Variants in CDON observed in about 807,000 individuals in gnomAD.
The protein encoded by CDON is cell adhesion molecule-related/down-regulated by oncogenes.
In CDON, 73 loss-of-function variants were observed where a neutral mutation model predicts 120.9. That is an observed-to-expected ratio of 0.60 (90% confidence interval 0.50 to 0.73). The LOEUF (loss-of-function observed/expected upper bound fraction) is 0.73. Among genes scored for constraint, CDON ranks in the 30% least tolerant of loss-of-function variants. The pLI, the probability that CDON is intolerant of heterozygous loss-of-function variation, is 0.00. For synonymous variants in CDON, 566 were observed against 573.5 expected, an observed-to-expected ratio of 0.99 and a Z score of 0.19; for missense variants, 1,470 against 1,587.3, an observed-to-expected ratio of 0.93 and a Z score of 1.26.
chr11:126,015,291 T>C lies in CDON; in HGVS notation c.1148A>G (p.Asp383Gly), dbSNP rs1017181153. 1.2e-6 allele frequency: 2 copies of C among 1,614,142 alleles called. No individual in the cohort carries two copies. Among genetic ancestry groups the C allele is most frequent in the Non-Finnish European group, 1.7e-6 (2 of 1,179,980 alleles). The part of the protein sequence containing the change: ...EDVGMYQCVA[D>G]NGIGFMHSTG... ...AGAGTGCATAAATCCAATCCCATTA[T>C]CTGCTACACACTGATACATCCCAAC... The change falls in exon 7 of 20, where the codon GAT (aspartate) becomes GGT (glycine). Residue 383 changes from aspartate (D) to glycine (G), a missense_variant. Coordinates refer to ENST00000531738, the MANE Select transcript of CDON (RefSeq NM_001378964.1).
intron 1 of CDON, among the ~76,000 whole-genome samples, chr11:126,058,368 C>T (rs989510954): frequency 2.6e-5 from 4 of 152,150 alleles, no homozygotes; most frequent in East Asian, 1.9e-4. Flanking sequence ...GCTGTGAATG[C>T]GGACAGGCAC....
intron 1 of CDON, among the ~76,000 whole-genome samples, chr11:126,036,416 G>C (rs1591413944): frequency 6.6e-6 from 1 of 152,232 alleles, no homozygotes; most frequent in East Asian, 1.9e-4. Context: ...AGAGTAACAA[G>C]AGATTAAATA....
chr11:126,059,504 A>G (rs1948748501), intron 1 of CDON, among the ~76,000 whole-genome samples: 1 of 117,424 alleles, frequency 8.5e-6, no homozygotes, highest in Admixed American at 9.2e-5. Context: ...CATCCCCCCA[A>G]TCCCCGCTCT....
intron 18 of CDON, among the ~76,000 whole-genome samples, chr11:125,968,749 C>T (rs146475613): frequency 1.2e-3 from 182 of 152,272 alleles, no homozygotes; most frequent in African/African-American, 3.8e-3. Flanking sequence ...CAGCATCAAC[C>T]ACATTGATTT....
chr11:125,972,224 G>A (rs549702209), intron 18 of CDON, among the ~76,000 whole-genome samples: 3 of 148,504 alleles, frequency 2.0e-5, no homozygotes, highest in Admixed American at 6.8e-5. Context: ...CCAGGAGTGC[G>A]AGACCAGCCT....
chr11:126,014,336 T>C (rs78161553), intron 7 of CDON, among the ~76,000 whole-genome samples: 15,827 of 152,196 alleles, frequency 0.1, 856 homozygotes, highest in Admixed American at 0.13. Flanking sequence ...CCAACTTTAC[T>C]TGTAATAAAA....
intron 4 of CDON, among the ~76,000 whole-genome samples, chr11:126,018,785 G>A (rs1424658382): frequency 3.3e-5 from 5 of 152,174 alleles, no homozygotes; most frequent in African/African-American, 1.2e-4. Flanking sequence ...GCCCAGGCTA[G>A]TCTTGAACTC....
intron 18 of CDON, among the ~76,000 whole-genome samples, chr11:125,974,189 C>G (rs903087834): frequency 7.9e-5 from 12 of 152,054 alleles, no homozygotes; most frequent in Non-Finnish European, 2.9e-5. Context: ...AGCCACTGCA[C>G]CCCGCCGATT....
intron 9 of CDON, chr11:126,005,473 A>C (rs1298928661): frequency 4.0e-5 from 17 of 423,492 alleles, no homozygotes; most frequent in South Asian, 5.9e-5. Context: ...TTGTGTTTTA[A>C]AAGTGGTTAT....
intron 2 of CDON, among the ~76,000 whole-genome samples, 174 bp from the exon 3 acceptor site, chr11:126,021,694 T>C (rs1451831931): frequency 1.3e-5 from 2 of 152,236 alleles, no homozygotes; most frequent in African/African-American, 4.8e-5. Context: ...CTTATAAGCC[T>C]ATTTGTTGGA....
In CDON at chr11:126,015,558, CTTAAA is replaced by C. The variant is rs765884803; in HGVS notation, c.929-53_929-49del. 6 of 1,581,510 alleles carry C rather than the reference CTTAAA, an allele frequency of 3.8e-6. No individual in the cohort carries two copies. In the South Asian group the frequency reaches 6.7e-5, roughly 18 times the overall value. On this transcript the variant is annotated intron_variant, in intron 6 of 19. Transcript: ENST00000531738. ...AAACTCTAGCCCTCAAAATGTACTT[CTTAAA>C]TTATCACTCGAGTGATAAAAATCTT...
chr11:126,027,407 G>A (rs900906541), intron 1 of CDON, among the ~76,000 whole-genome samples: 30 of 152,064 alleles, frequency 2.0e-4, no homozygotes, highest in African/African-American at 7.0e-4. Flanking sequence ...ATTTTCAAAA[G>A]TACTATCTTT....
At chr11:126,022,527 C>T (rs1011489096) in intron 2 of CDON, among the ~76,000 whole-genome samples, 2 of 151,996 alleles carry the variant, frequency 1.3e-5, no homozygotes, top group African/African-American at 2.4e-5. Flanking sequence ...TCTGTTCCAA[C>T]CCGAGAGTGG....
intron 18 of CDON, among the ~76,000 whole-genome samples, chr11:125,962,420 C>A (rs552866484): frequency 6.6e-6 from 1 of 152,330 alleles, no homozygotes; most frequent in African/African-American, 2.4e-5. Flanking sequence ...ACGAAAGAAA[C>A]AACCTTAGGA....
At chr11:125,996,059 C>T (rs599702) in intron 12 of CDON, among the ~76,000 whole-genome samples, 47,670 of 151,892 alleles carry the variant, frequency 0.31, 7,554 homozygotes, top group South Asian at 0.35. Context: ...CTCATGTCCA[C>T]AACACTAAGC....
intron 16 of CDON, among the ~76,000 whole-genome samples, chr11:125,982,511 G>A (rs540375677): frequency 1.3e-5 from 2 of 152,280 alleles, no homozygotes; most frequent in Admixed American, 1.3e-4. Flanking sequence ...CTCTCGCCCA[G>A]GTGTGTAGTC....
At chr11:125,977,910 T>C (rs889244953) in intron 18 of CDON, among the ~76,000 whole-genome samples, 12 of 151,480 alleles carry the variant, frequency 7.9e-5, no homozygotes, top group East Asian at 5.8e-4. Flanking sequence ...ATACAGAGGG[T>C]TCCCCCCTCC....
In CDON at chr11:125,960,308, C is replaced by A. The variant is rs1029493144; in HGVS notation, c.*634G>T. The A allele has an allele frequency of 6.5e-6, 1 of 153,172 alleles. No homozygotes were observed. The highest frequency in any genetic ancestry group is 6.5e-5 in the Admixed American group (1 of 15,414). The allele number at this position is 153,172 out of a possible 1,614,324, so 9.5% of individuals were successfully genotyped here. A position where few individuals can be genotyped will look rare whatever the true frequency, so the allele number is the denominator to read the frequency against. ...CTTGAGGTCAGGAGTTCAAAACCAG[C>A]CTGAAACCTTGTCTCTAATAAAAAT... is the stretch of plus-strand genomic sequence containing the variant. On this transcript the variant is annotated 3_prime_UTR_variant, in exon 20 of 20. Coordinates refer to ENST00000531738, the MANE Select transcript of CDON (RefSeq NM_001378964.1).
At chr11:125,978,550 G>A (rs1275880480) in intron 17 of CDON, among the ~76,000 whole-genome samples, 167 bp from the exon 18 acceptor site, 1 of 152,162 alleles carries the variant, frequency 6.6e-6, no homozygotes. Flanking sequence ...GAATATCACT[G>A]ACCCATATTC....
Sources: gnomAD v4.1 joint callset for allele counts (sites outside exome capture counted in the v4.1 genomes callset) on GRCh38, gnomAD v4.1.1 for gene constraint, MANE v1.5 for transcripts, NCBI Gene and HGNC (gene_info 2026-07-23, HGNC 2026-07-21) for gene names.